The following ST3GAL6 variants were observed in gnomAD, a reference collection of about 807,000 sequenced individuals.
ST3GAL6 encodes the protein ST3 beta-galactoside alpha-2,3-sialyltransferase 6.
A neutral mutation model predicts 40.5 loss-of-function variants in ST3GAL6; 31 were observed. That is an observed-to-expected ratio of 0.77 (90% CI 0.58 to 1.03). The LOEUF is 1.03. Among genes scored for constraint, ST3GAL6 ranks in the 50% least tolerant of loss-of-function variants. ST3GAL6 has a pLI of 0.00. For missense variants in ST3GAL6, 357 were observed against 393.2 expected (o/e 0.91, Z 0.78); for synonymous variants, 129 against 136.9 (o/e 0.94, Z 0.40).
At chr3:98,747,205 A>G (rs1936627909) in intron 1 of ST3GAL6, among the ~76,000 whole-genome samples, 1 of 152,178 alleles carries the variant, frequency 6.6e-6, no homozygotes. Flanking sequence ...CCCCGTCAGT[A>G]TGGTTATCAG....
At chr3:98,741,079 T>TGTGTGC (rs1328526634) in intron 1 of ST3GAL6, among the ~76,000 whole-genome samples, 2 of 149,432 alleles carry the variant, frequency 1.3e-5, no homozygotes, top group Non-Finnish European at 3.0e-5. Context: ...TGTGTGTGTG[T>TGTGTGC]GTGTGCATGC....
At chr3:98,764,274 A>C (rs1325292004) in intron 1 of ST3GAL6, among the ~76,000 whole-genome samples, 1 of 152,172 alleles carries the variant, frequency 6.6e-6, no homozygotes, top group African/African-American at 2.4e-5. Context: ...TGGTTGGAAA[A>C]GCAAGCTCCC....
chr3:98,754,406 A>C (rs1937260130), intron 1 of ST3GAL6, among the ~76,000 whole-genome samples: 1 of 152,242 alleles, frequency 6.6e-6, no homozygotes, highest in Non-Finnish European at 1.5e-5. Flanking sequence ...AACTCATAAT[A>C]AAACTTTAAT....
Position 98,764,660 on chromosome 3 carries a change from C to T in ST3GAL6, c.-12+1221C>T, listed in dbSNP as rs565743517. Reference sequence around the variant, plus strand: ...CCTGATAGAGACAGATTTGAGTCCTCGTTCTGCTACTTGTCAGCTCAACAA... The same window carrying T: ...CCTGATAGAGACAGATTTGAGTCCTTGTTCTGCTACTTGTCAGCTCAACAA... On this transcript the variant is annotated intron_variant, in intron 1 of 9. Transcript: ENST00000483910. Among the ~76,000 whole-genome samples, 10 of 152,280 alleles carry T rather than the reference C, an allele frequency of 6.6e-5. No homozygotes were observed. In the South Asian group the frequency reaches 1.7e-3, roughly 25 times the overall value.
At chr3:98,762,900 G>C (rs1576074074), upstream of ST3GAL6, 1 of 985,314 alleles carries the variant, frequency 1.0e-6, no homozygotes, top group East Asian at 1.1e-4. Context: ...TGGCCATTTA[G>C]TAAGTGGTTA....
chr3:98,783,653 C>T, intron 5 of ST3GAL6: 1 of 985,298 alleles, frequency 1.0e-6, no homozygotes, highest in Non-Finnish European at 1.2e-6. Flanking sequence ...GAGATGTGTC[C>T]ACAAGGCGAG....
At chr3:98,748,222 G>A (rs192203652) in intron 1 of ST3GAL6, among the ~76,000 whole-genome samples, 2 of 152,316 alleles carry the variant, frequency 1.3e-5, no homozygotes, top group Admixed American at 1.3e-4. Context: ...AAGCTTACAG[G>A]TTGGGAATAA....
At chr3:98,783,716 A>C (rs1283678577) in intron 5 of ST3GAL6, 5 of 985,072 alleles carry the variant, frequency 5.1e-6, no homozygotes, top group Admixed American at 6.2e-5. Context: ...CCCGCCCCCA[A>C]GTCCTTACCA....
At chr3:98,739,844 T>G (rs1935911725) in intron 1 of ST3GAL6, among the ~76,000 whole-genome samples, 1 of 152,200 alleles carries the variant, frequency 6.6e-6, no homozygotes, top group Admixed American at 6.5e-5. Context: ...TGATAGATAA[T>G]CCAGGCATTC....
chr3:98,756,406 A>G (rs559630932), intron 1 of ST3GAL6: 2 of 1,289,764 alleles, frequency 1.6e-6, no homozygotes, highest in Non-Finnish European at 2.0e-6. Flanking sequence ...CCTGGGTTTT[A>G]GATAATTTCT....
intron 1 of ST3GAL6, among the ~76,000 whole-genome samples, chr3:98,736,576 G>A (rs565422286): frequency 6.6e-6 from 1 of 152,140 alleles, no homozygotes; most frequent in East Asian, 1.9e-4. Context: ...GGGGCAACAA[G>A]GGAGCAGAAA....
At chr3:98,744,350 C>G (rs1277288235) in intron 1 of ST3GAL6, among the ~76,000 whole-genome samples, 1 of 152,128 alleles carries the variant, frequency 6.6e-6, no homozygotes, top group African/African-American at 2.4e-5. Flanking sequence ...GTACTGATCC[C>G]TCTTCTCTGC....
chr3:98,777,052 C>T (rs905642445), intron 5 of ST3GAL6, among the ~76,000 whole-genome samples: 16 of 152,190 alleles, frequency 1.1e-4, no homozygotes, highest in African/African-American at 2.2e-4. Flanking sequence ...TCTATCTTGA[C>T]GCCACCATTC....
rs576234212 is a variant in ST3GAL6, at chr3:98,791,982, T to C, written c.898T>C (p.Leu300=). 1 of 1,613,354 alleles carries C rather than the reference T, an allele frequency of 6.2e-7. No individual in the cohort carries two copies. The highest frequency in any genetic ancestry group is 2.2e-5 in the East Asian group (1 of 44,850). ...LHYYGNATMS[L]MNKNAYHNVT... The stretch of plus-strand genomic sequence containing the variant: ...CTACTATGGGAATGCCACCATGTCT[T>C]TGATGAATAAGGTAATATACTGTAC... Residue 300 remains leucine (L), a synonymous_variant, in exon 9 of 10, where the codon TTG becomes CTG. Coordinates refer to ENST00000483910, the MANE Select transcript of ST3GAL6 (RefSeq NM_001323368.2).
chr3:98,781,208 C>T (rs890582548), intron 5 of ST3GAL6, among the ~76,000 whole-genome samples: 3 of 152,266 alleles, frequency 2.0e-5, no homozygotes, highest in Admixed American at 2.0e-4. Context: ...AACTATCATT[C>T]TCAGCAAACT....
chr3:98,732,978 C>A, intron 1 of ST3GAL6: 1 of 1,493,554 alleles, frequency 6.7e-7, no homozygotes, highest in Non-Finnish European at 8.9e-7. Flanking sequence ...GTCACTCTTG[C>A]CGGCCGGCTT....
chr3:98,774,858 T>G (rs1425161753), intron 5 of ST3GAL6, among the ~76,000 whole-genome samples: 1 of 152,226 alleles, frequency 6.6e-6, no homozygotes, highest in Non-Finnish European at 1.5e-5. Context: ...ATGCTTGACG[T>G]GAAGTGTGTA....
rs1414151743 is a variant in ST3GAL6, at chr3:98,782,404, G to C, written c.336-2541G>C. On this transcript the variant is annotated intron_variant, in intron 5 of 9. Transcript: ENST00000483910. ...TGGAAGCTCAGAAAAAAGTCAAAAG[G>C]CTGTACCATGACTCTCACAATAGCC... 9.1e-6 allele frequency: 6 copies of C among 659,216 alleles called. No individual in the cohort carries two copies. In the Admixed American group the frequency reaches 1.4e-4, roughly 15 times the overall value. The allele number at this position is 659,216 out of a possible 1,614,324, so 40.8% of individuals were successfully genotyped here.
intron 1 of ST3GAL6, among the ~76,000 whole-genome samples, chr3:98,756,720 A>G (rs893337278): frequency 1.3e-5 from 2 of 152,178 alleles, no homozygotes; most frequent in African/African-American, 4.8e-5. Flanking sequence ...TAAGACTGCT[A>G]ATGTAACCCA....
Sources: allele counts gnomAD v4.1 joint callset (sites outside exome capture counted in the v4.1 genomes callset), GRCh38; gene constraint gnomAD v4.1.1; transcripts MANE v1.5; gene names NCBI Gene and HGNC (gene_info 2026-07-23, HGNC 2026-07-21).